PTPRK: variants seen among roughly 807,000 people sequenced by gnomAD.
PTPRK encodes receptor-type tyrosine-protein phosphatase kappa.
In PTPRK, 75 loss-of-function variants were observed where a neutral mutation model predicts 178.0. That is an observed-to-expected ratio of 0.42 (90% confidence interval 0.35 to 0.51). PTPRK has a LOEUF of 0.51. Among genes scored for constraint, PTPRK ranks in the 20% least tolerant of loss-of-function variants. PTPRK has a pLI of 0.02. For missense variants in PTPRK, 1,441 were observed against 1,797.8 expected, an observed-to-expected ratio of 0.80 and a Z score of 3.59; for synonymous variants, 637 against 620.6, an observed-to-expected ratio of 1.03 and a Z score of -0.39.
chr6:128,301,553 C>T (rs1825608755), intron 3 of PTPRK, among the ~76,000 whole-genome samples: 1 of 152,024 alleles, frequency 6.6e-6, no homozygotes, highest in Non-Finnish European at 1.5e-5. Flanking sequence ...TGATTTCACA[C>T]TCTGATCCAA....
intron 3 of PTPRK, among the ~76,000 whole-genome samples, chr6:128,284,848 G>A (rs1190332876): frequency 6.6e-6 from 1 of 152,150 alleles, no homozygotes; most frequent in Non-Finnish European, 1.5e-5. Flanking sequence ...TGACTGGGAA[G>A]TATGTGGGGT....
At chr6:128,209,287 C>A (rs1487415900) in intron 6 of PTPRK, among the ~76,000 whole-genome samples, 1 of 152,132 alleles carries the variant, frequency 6.6e-6, no homozygotes, top group East Asian at 1.9e-4. Flanking sequence ...TAGTCTGGCA[C>A]TCAAATTGTT....
At chr6:128,248,853 T>G (rs996515256) in intron 3 of PTPRK, among the ~76,000 whole-genome samples, 1 of 152,200 alleles carries the variant, frequency 6.6e-6, no homozygotes, top group Non-Finnish European at 1.5e-5. Flanking sequence ...TCTTATTACT[T>G]TTAAGGTAAG....
chr6:128,311,005 T>A (rs1217768090), intron 3 of PTPRK, among the ~76,000 whole-genome samples: 1 of 151,922 alleles, frequency 6.6e-6, no homozygotes, highest in East Asian at 1.9e-4. Context: ...AAGGGAAAGT[T>A]CCCCCGGGAT....
chr6:128,236,629 G>A (rs1451220496), intron 5 of PTPRK, among the ~76,000 whole-genome samples: 2 of 152,070 alleles, frequency 1.3e-5, no homozygotes, highest in East Asian at 3.9e-4. Flanking sequence ...TTACAGGCGT[G>A]AGCCACTGCG....
At chr6:128,168,856 T>C (rs376417675) in intron 7 of PTPRK, among the ~76,000 whole-genome samples, 1 of 152,026 alleles carries the variant, frequency 6.6e-6, no homozygotes, top group Non-Finnish European at 1.5e-5. Context: ...CATCAGTGGA[T>C]AAATGGATAA....
At chr6:128,371,815 G>C (rs888662618) in intron 2 of PTPRK, among the ~76,000 whole-genome samples, 1 of 151,942 alleles carries the variant, frequency 6.6e-6, no homozygotes, top group African/African-American at 2.4e-5. Flanking sequence ...GGTCGAGGCT[G>C]CAGTGATCCG....
intron 2 of PTPRK, among the ~76,000 whole-genome samples, chr6:128,389,326 TAA>T (rs912185065): frequency 1.5e-4 from 22 of 151,700 alleles, no homozygotes; most frequent in Admixed American, 5.9e-4. Context: ...ACATTAATTA[TAA>T]GAGATAATTA....
intron 6 of PTPRK, among the ~76,000 whole-genome samples, chr6:128,211,067 A>G (rs1808064287): frequency 6.6e-6 from 1 of 152,154 alleles, no homozygotes; most frequent in Non-Finnish European, 1.5e-5. Context: ...CTAAAGTGTA[A>G]AAGTCACTGT....
chr6:128,154,148 A>C (rs1239698126), intron 7 of PTPRK, among the ~76,000 whole-genome samples: 1 of 151,852 alleles, frequency 6.6e-6, no homozygotes, highest in Non-Finnish European at 1.5e-5. Flanking sequence ...ATTGTTATGA[A>C]TAATGTAGTG....
At chr6:128,517,954 T>A (rs1858336487) in intron 1 of PTPRK, among the ~76,000 whole-genome samples, 1 of 152,142 alleles carries the variant, frequency 6.6e-6, no homozygotes, top group South Asian at 2.1e-4. Context: ...CTTCAATACA[T>A]CTCTAATCTA....
At chr6:128,401,452 A>T (rs369257878) in intron 1 of PTPRK, among the ~76,000 whole-genome samples, 2 of 152,330 alleles carry the variant, frequency 1.3e-5, no homozygotes, top group South Asian at 2.1e-4. Flanking sequence ...CATTTTCTGT[A>T]GAATCAGGAA....
chr6:128,330,867 C>T (rs1192776188), intron 2 of PTPRK, among the ~76,000 whole-genome samples: 1 of 146,538 alleles, frequency 6.8e-6, no homozygotes, highest in African/African-American at 2.6e-5. Flanking sequence ...AAAACAAAAA[C>T]AAAAACAAAA....
intron 5 of PTPRK, among the ~76,000 whole-genome samples, chr6:128,238,864 A>C (rs139159521): frequency 1.3e-5 from 2 of 152,254 alleles, no homozygotes; most frequent in African/African-American, 4.8e-5. Context: ...TAAGCTATAA[A>C]AGTAGTAATA....
intron 3 of PTPRK, among the ~76,000 whole-genome samples, chr6:128,286,917 G>A (rs937505782): frequency 6.6e-6 from 1 of 152,180 alleles, no homozygotes; most frequent in Admixed American, 6.5e-5. Context: ...TAGCCTGGCT[G>A]ATGGGAGTGC....
At chr6:128,497,737 T>C (rs193045687) in intron 1 of PTPRK, among the ~76,000 whole-genome samples, 1 of 152,226 alleles carries the variant, frequency 6.6e-6, no homozygotes, top group Non-Finnish European at 1.5e-5. Flanking sequence ...TCTCTTAATT[T>C]GGATCCAAAT....
chr6:128,298,143 A>C (rs1045121677), intron 3 of PTPRK, among the ~76,000 whole-genome samples: 14 of 152,166 alleles, frequency 9.2e-5, no homozygotes, highest in Admixed American at 5.9e-4. Flanking sequence ...GAAACGTATA[A>C]ATTCCTTGAC....
chr6:128,418,418 C>T (rs1196221246), intron 1 of PTPRK, among the ~76,000 whole-genome samples: 1 of 152,178 alleles, frequency 6.6e-6, no homozygotes. Context: ...GAGCATACTG[C>T]CTGAGCTCTG....
At chr6:128,353,350 T>C (rs375231082) in intron 2 of PTPRK, among the ~76,000 whole-genome samples, 15 of 152,310 alleles carry the variant, frequency 9.8e-5, no homozygotes, top group African/African-American at 3.6e-4. Flanking sequence ...TAGATAGCAA[T>C]TGTACTCTTG....
Sources: gnomAD v4.1 joint callset for allele counts (sites outside exome capture counted in the v4.1 genomes callset) on GRCh38, gnomAD v4.1.1 for gene constraint, MANE v1.5 for transcripts, NCBI Gene and HGNC (gene_info 2026-07-23, HGNC 2026-07-21) for gene names.